The following ARHGEF10 variants were observed in gnomAD, a reference collection of about 807,000 sequenced individuals.
ARHGEF10 encodes Rho guanine nucleotide exchange factor 10, also known as Rho guanine nucleotide exchange factor (GEF) 10.
Under a neutral mutation model 147.4 loss-of-function variants are expected in ARHGEF10, and 140 were observed. The ratio of observed to expected loss-of-function variants is 0.95; its 90% confidence interval spans 0.83 to 1.09. ARHGEF10 has a LOEUF of 1.09. Among genes scored for constraint, ARHGEF10 ranks in the 50% least tolerant of loss-of-function variants. The pLI is 0.00. For missense variants in ARHGEF10, 2,222 were observed against 1,752.7 expected, an observed-to-expected ratio of 1.27 and a Z score of -4.78; for synonymous variants, 902 against 695.8, an observed-to-expected ratio of 1.30 and a Z score of -4.67.
chr8:1,896,937 TGGG>T (rs1441424890), intron 14 of ARHGEF10, among the ~76,000 whole-genome samples: 1 of 152,194 alleles, frequency 6.6e-6, no homozygotes, highest in Non-Finnish European at 1.5e-5. Context: ...CTGGCAGTGA[TGGG>T]GAGCACGTCC....
chr8:1,855,718 C>T lies in ARHGEF10; in HGVS notation c.38-2242C>T, dbSNP rs531088193. ...CATAAACATTTTCACTGATCATTTT[C>T]GTCACGGCATTTAGTCGGCATTGTT... On this transcript the variant is annotated intron_variant, in intron 2 of 28. Coordinates refer to ENST00000349830, the MANE Select transcript of ARHGEF10 (RefSeq NM_014629.4). Among the ~76,000 whole-genome samples the T allele has an allele frequency of 5.9e-5, 9 of 152,236 alleles. No homozygotes were observed. The South Asian group carries it at 1.2e-3, about 21-fold the overall frequency.
intron 4 of ARHGEF10, among the ~76,000 whole-genome samples, chr8:1,862,384 C>G (rs998886108): frequency 2.6e-5 from 4 of 152,278 alleles, no homozygotes; most frequent in African/African-American, 4.8e-5. Flanking sequence ...CCTACCGAAA[C>G]CAGCTCTCAA....
At chr8:1,867,818 A>T (rs958572964) in intron 6 of ARHGEF10, among the ~76,000 whole-genome samples, 4 of 152,242 alleles carry the variant, frequency 2.6e-5, no homozygotes, top group African/African-American at 9.6e-5. Flanking sequence ...AGGTAGAACC[A>T]TCTTAGTTAC....
At chr8:1,862,354 A>G (rs1462562246) in intron 4 of ARHGEF10, among the ~76,000 whole-genome samples, 6 of 152,250 alleles carry the variant, frequency 3.9e-5, no homozygotes, top group African/African-American at 1.4e-4. Context: ...TGGGATGACC[A>G]GATTCCGTTA....
intron 10 of ARHGEF10, among the ~76,000 whole-genome samples, chr8:1,884,176 G>A (rs921936856): frequency 1.1e-4 from 16 of 152,082 alleles, no homozygotes; most frequent in Non-Finnish European, 1.8e-4. Context: ...GGCAGATCAC[G>A]AGGTCAGGAG....
intron 18 of ARHGEF10, among the ~76,000 whole-genome samples, chr8:1,921,989 C>A (rs1029499392): frequency 6.6e-6 from 1 of 152,060 alleles, no homozygotes; most frequent in African/African-American, 2.4e-5. Flanking sequence ...AAAGAAGGAG[C>A]GTATTACTGC....
In ARHGEF10 at chr8:1,930,751, G is replaced by A. The variant is rs572179679; in HGVS notation, c.3079+1308G>A. ...CTCTCTCGACCTGCTCCACGGGGAC[G>A]GCCCCTCCTTCTCCCGTGTGGTTCC... is the stretch of plus-strand genomic sequence containing the variant. On this transcript the variant is annotated intron_variant, in intron 25 of 28. Transcript: ENST00000349830. 3.1e-3 allele frequency among the ~76,000 whole-genome samples: 470 copies of A among 152,278 alleles called. 1 individual carries two copies. Among genetic ancestry groups the A allele is most frequent in the Non-Finnish European group, 5.0e-3 (341 of 68,024 alleles).
At chr8:1,928,774 G>A in intron 24 of ARHGEF10, 124 bp downstream of exon 24, 1 of 1,062,444 alleles carries the variant, frequency 9.4e-7, no homozygotes, top group Non-Finnish European at 1.4e-6. Flanking sequence ...GGAATTAGGG[G>A]ATACCAGGGG....
intron 5 of ARHGEF10, among the ~76,000 whole-genome samples, chr8:1,865,221 G>A (rs1359843082): frequency 6.6e-6 from 1 of 152,224 alleles, no homozygotes; most frequent in Admixed American, 6.5e-5. Flanking sequence ...GCAGGGGGCT[G>A]CATCCTAATT....
chr8:1,903,212 G>T, intron 15 of ARHGEF10, 69 bp from the exon 16 acceptor site: 1 of 1,577,686 alleles, frequency 6.3e-7, no homozygotes, highest in South Asian at 1.1e-5. Flanking sequence ...CAGCTGGCGG[G>T]TGACGCGACT....
At chr8:1,866,484 C>T (rs1806625640) in intron 5 of ARHGEF10, 42 bp from the exon 6 acceptor site, 1 of 1,592,852 alleles carries the variant, frequency 6.3e-7, no homozygotes, top group Non-Finnish European at 8.6e-7. Context: ...GTGACTTGGG[C>T]TGTGCCTGGA....
At chr8:1,823,674 C>T (rs927821928), upstream of ARHGEF10, among the ~76,000 whole-genome samples, 77 of 150,576 alleles carry the variant, frequency 5.1e-4, no homozygotes, top group African/African-American at 1.8e-3. Flanking sequence ...GAGCGCGGCC[C>T]GGGGTCCGCG....
At chr8:1,849,752 G>C (rs866475757) in intron 2 of ARHGEF10, among the ~76,000 whole-genome samples, 1 of 147,126 alleles carries the variant, frequency 6.8e-6, no homozygotes, top group Admixed American at 6.7e-5. Context: ...TGAGGAGGGC[G>C]TGGGGCGGCC....
intron 7 of ARHGEF10, among the ~76,000 whole-genome samples, chr8:1,875,402 A>T (rs1026797944): frequency 6.4e-4 from 97 of 152,040 alleles, no homozygotes; most frequent in Admixed American, 2.8e-3. Context: ...TCTCAGGATG[A>T]CTCTTGGCTC....
At chr8:1,923,991 G>A (rs2129213781) in intron 21 of ARHGEF10, 117 bp downstream of exon 21, 2 of 977,200 alleles carry the variant, frequency 2.0e-6, no homozygotes, top group East Asian at 5.2e-5. Flanking sequence ...GCATTGACCT[G>A]AAAGAGTGTT....
chr8:1,898,601 C>T (rs1410917562), intron 15 of ARHGEF10, 76 bp downstream of exon 15: 6 of 1,447,724 alleles, frequency 4.1e-6, no homozygotes, highest in Admixed American at 3.6e-5. Flanking sequence ...GCGTCTGTTC[C>T]TCCACTTTGG....
At chr8:1,830,598 G>A (rs949514814) in intron 1 of ARHGEF10, among the ~76,000 whole-genome samples, 1 of 151,656 alleles carries the variant, frequency 6.6e-6, no homozygotes, top group African/African-American at 2.4e-5. Context: ...CATGAATACC[G>A]CTGCGTGCTA....
At chr8:1,914,804 C>T (rs1262574313) in intron 18 of ARHGEF10, among the ~76,000 whole-genome samples, 1 of 152,126 alleles carries the variant, frequency 6.6e-6, no homozygotes, top group Non-Finnish European at 1.5e-5. Flanking sequence ...GCAGGTCCTT[C>T]CCACGACTCA....
intron 7 of ARHGEF10, chr8:1,869,940 G>C (rs116162857): frequency 2.6e-5 from 4 of 154,994 alleles, no homozygotes; most frequent in African/African-American, 7.2e-5. Context: ...GAGCGGGGGA[G>C]CTTGCTGCCC....
Sources: gnomAD v4.1 joint callset for allele counts (sites outside exome capture counted in the v4.1 genomes callset) on GRCh38, gnomAD v4.1.1 for gene constraint, MANE v1.5 for transcripts, NCBI Gene and HGNC (gene_info 2026-07-23, HGNC 2026-07-21) for gene names.